Variants in PLXNA2 observed in about 807,000 individuals in gnomAD.
The protein encoded by PLXNA2 is plexin-A2.
In PLXNA2, 91 loss-of-function variants were observed where a neutral mutation model predicts 193.5. That is an observed-to-expected ratio of 0.47 (90% confidence interval 0.40 to 0.56). The LOEUF is 0.56. Among genes scored for constraint, PLXNA2 ranks in the 20% least tolerant of loss-of-function variants. The probability of loss-of-function intolerance (pLI) is 0.00; values close to 1 mark genes in which losing one functional copy is unlikely to be tolerated. For synonymous variants in PLXNA2, 997 were observed against 1,027.3 expected (o/e 0.97, Z 0.56); for missense variants, 1,995 against 2,503.2 (o/e 0.80, Z 4.33).
chr1:208,158,353 A>T (rs1372386777), intron 3 of PLXNA2, among the ~76,000 whole-genome samples: 1 of 151,994 alleles, frequency 6.6e-6, no homozygotes, highest in Non-Finnish European at 1.5e-5. Context: ...TGCTGTCTCT[A>T]CTTCTTTCTC....
chr1:208,079,481 AC>A, intron 11 of PLXNA2, 31 bp from the exon 12 acceptor site: 1 of 1,518,684 alleles, frequency 6.6e-7, no homozygotes, highest in Non-Finnish European at 8.9e-7. Context: ...CACAGATGAA[AC>A]CAGAAAGGGC....
chr1:208,200,707 T>C (rs1670522464), intron 3 of PLXNA2, among the ~76,000 whole-genome samples: 1 of 149,920 alleles, frequency 6.7e-6, no homozygotes, highest in Non-Finnish European at 1.5e-5. Context: ...TTCTCCTGCC[T>C]CCTGCCTCAG....
chr1:208,228,282 G>C (rs1043891134), intron 1 of PLXNA2, among the ~76,000 whole-genome samples: 3 of 152,200 alleles, frequency 2.0e-5, no homozygotes, highest in African/African-American at 7.2e-5. Context: ...CTATCTCAGG[G>C]AGAGTGGCCA....
rs1368429570 is a variant in PLXNA2 at position 208,243,668 on chromosome 1, T to C, written c.-106A>G. 1.3e-5 allele frequency: 2 copies of C among 152,272 alleles called. No individual in the cohort carries two copies. Among genetic ancestry groups the C allele is most frequent in the East Asian group, 3.9e-4 (2 of 5,164 alleles). 9.4% of individuals were successfully genotyped at this position (152,272 alleles called of 1,614,324 possible). On this transcript the variant is annotated 5_prime_UTR_variant, in exon 1 of 32. Transcript: ENST00000367033. ...CCAGCTCGGCGACGTCGGTCTGTCC[T>C]TCCGTCCCCGCTCGGTCTACCTCGG...
chr1:208,033,211 G>T (rs1304145998), intron 28 of PLXNA2, 108 bp downstream of exon 28: 3 of 1,090,912 alleles, frequency 2.7e-6, no homozygotes, highest in Non-Finnish European at 4.1e-6. Flanking sequence ...TGGACTGTCT[G>T]AATGGGTCCT....
In PLXNA2 at chr1:208,031,369, A is replaced by G. The variant is rs956691229; in HGVS notation, c.5225+221T>C. 3.6e-5 allele frequency: 51 copies of G among 1,399,308 alleles called. No homozygotes were observed. The African/African-American group carries it at 7.0e-4, about 19-fold the overall frequency. 86.7% of individuals were successfully genotyped at this position (1,399,308 alleles called of 1,614,324 possible). A position where few individuals can be genotyped will look rare whatever the true frequency, so the allele number is the denominator to read the frequency against. ...GGGGCAGAATTCAAGGGTGCATCCTATTGCTGTGCCTCAAGCCAGGCAGGC... is the reference window on the plus strand; with the variant it reads ...GGGGCAGAATTCAAGGGTGCATCCTGTTGCTGTGCCTCAAGCCAGGCAGGC... On this transcript the variant is annotated intron_variant, in intron 29 of 31. Transcript: ENST00000367033.
At chr1:208,114,948 A>G (rs1667593091) in intron 4 of PLXNA2, among the ~76,000 whole-genome samples, 2 of 152,244 alleles carry the variant, frequency 1.3e-5, no homozygotes. Context: ...AGAGTCTCCT[A>G]TACTTACATT....
chr1:208,084,352 A>G (rs758556604), intron 10 of PLXNA2, 28 bp downstream of exon 10: 3 of 1,607,456 alleles, frequency 1.9e-6, no homozygotes, highest in Non-Finnish European at 2.6e-6. Context: ...GCCCTGCTCC[A>G]GGCAGGGCCC....
At chr1:208,190,945 A>C (rs986688530) in intron 3 of PLXNA2, among the ~76,000 whole-genome samples, 1 of 152,212 alleles carries the variant, frequency 6.6e-6, no homozygotes, top group Non-Finnish European at 1.5e-5. Flanking sequence ...GGTTGATGGA[A>C]TCCTCTGTAG....
chr1:208,168,723 GGTTTTTT>G (rs1356857282), intron 3 of PLXNA2, among the ~76,000 whole-genome samples: 16 of 102,194 alleles, frequency 1.6e-4, no homozygotes, highest in Non-Finnish European at 2.6e-4. Flanking sequence ...GAGTATGCGG[GGTTTTTT>G]TTTTTTTTTT....
intron 10 of PLXNA2, among the ~76,000 whole-genome samples, chr1:208,084,116 A>G (rs1237434851): frequency 1.3e-5 from 2 of 152,254 alleles, no homozygotes; most frequent in South Asian, 4.1e-4. Context: ...AAAATTTAAA[A>G]TTTAAAAAAT....
At chr1:208,087,888 A>C (rs2038980) in intron 9 of PLXNA2, among the ~76,000 whole-genome samples, 36,422 of 152,054 alleles carry the variant, frequency 0.24, 4,714 homozygotes, top group Admixed American at 0.33. Context: ...GGCCACTTCC[A>C]ACCTGTTTGC....
chr1:208,101,919 C>T (rs779816543), intron 5 of PLXNA2, among the ~76,000 whole-genome samples: 9 of 152,116 alleles, frequency 5.9e-5, no homozygotes, highest in East Asian at 3.9e-4. Context: ...GAAATTCTCT[C>T]GAGGAAAGAC....
chr1:208,167,419 C>T (rs150166880), intron 3 of PLXNA2, among the ~76,000 whole-genome samples: 1 of 152,284 alleles, frequency 6.6e-6, no homozygotes, highest in East Asian at 1.9e-4. Flanking sequence ...GCTCAGTGCA[C>T]ACTATATAAT....
chr1:208,029,042 G>A lies in PLXNA2; in HGVS notation c.5226C>T (p.Cys1742=). The A allele has an allele frequency of 6.2e-7, 1 of 1,614,102 alleles. No individual in the cohort carries two copies. The highest frequency in any genetic ancestry group is 8.5e-7 in the Non-Finnish European group (1 of 1,179,982). The part of the protein sequence containing the change: ...TDVRHTWKSN[C]LPLRFWVNVI... Reference sequence around the variant, plus strand: ...CGTTCACCCAGAAGCGCAGAGGGAGGCTGTGGGGAAAGGCAGAGAAGACTT... The same window carrying A: ...CGTTCACCCAGAAGCGCAGAGGGAGACTGTGGGGAAAGGCAGAGAAGACTT... The change falls in exon 30 of 32, where the codon TGC becomes TGT. Residue 1742 remains cysteine (C), a splice_region_variant and synonymous_variant. Coordinates refer to ENST00000367033, the MANE Select transcript of PLXNA2 (RefSeq NM_025179.4).
intron 11 of PLXNA2, among the ~76,000 whole-genome samples, chr1:208,079,854 A>G (rs1025418228): frequency 1.3e-5 from 2 of 152,148 alleles, no homozygotes; most frequent in African/African-American, 4.8e-5. Flanking sequence ...CCTGTAACAT[A>G]TCTGATGCCC....
intron 3 of PLXNA2, among the ~76,000 whole-genome samples, chr1:208,170,897 CA>C (rs2102530320): frequency 6.6e-6 from 1 of 152,228 alleles, no homozygotes; most frequent in Non-Finnish European, 1.5e-5. Context: ...CAATCCAGTG[CA>C]GAGAGCAAGA....
chr1:208,134,490 T>G (rs1668246594), intron 4 of PLXNA2, among the ~76,000 whole-genome samples: 1 of 152,194 alleles, frequency 6.6e-6, no homozygotes, highest in African/African-American at 2.4e-5. Context: ...GAAACACATG[T>G]GCATCAAAGC....
intron 5 of PLXNA2, among the ~76,000 whole-genome samples, chr1:208,101,279 C>T (rs1375534338): frequency 1.3e-5 from 2 of 152,306 alleles, no homozygotes; most frequent in South Asian, 2.1e-4. Flanking sequence ...CCTCAGCCCT[C>T]GGCCTCCATT....
Sources: gnomAD v4.1 joint callset for allele counts (sites outside exome capture counted in the v4.1 genomes callset) on GRCh38, gnomAD v4.1.1 for gene constraint, MANE v1.5 for transcripts, NCBI Gene and HGNC (gene_info 2026-07-23, HGNC 2026-07-21) for gene names.